Variants in ZNF407 observed in about 807,000 individuals in gnomAD.
ZNF407 encodes zinc finger protein 407.
A neutral mutation model predicts 131.2 loss-of-function variants in ZNF407; 17 were observed. That is an observed-to-expected ratio of 0.13 (90% confidence interval 0.09 to 0.19). The LOEUF is 0.19. ZNF407 is among the 10% of genes least tolerant of loss of function. The probability of loss-of-function intolerance (pLI) is 1.00; values close to 1 mark genes in which losing one functional copy is unlikely to be tolerated. For missense variants in ZNF407, 2,681 were observed against 2,830.6 expected, an observed-to-expected ratio of 0.95 and a Z score of 1.20; for synonymous variants, 1,156 against 1,062.0, an observed-to-expected ratio of 1.09 and a Z score of -1.72.
At chr18:74,733,114 CTT>C (rs202213928) in intron 3 of ZNF407, among the ~76,000 whole-genome samples, 3 of 151,556 alleles carry the variant, frequency 2.0e-5, no homozygotes, top group East Asian at 1.9e-4. Context: ...GTTTTTGTCT[CTT>C]TGGCTTTTTT....
intron 3 of ZNF407, among the ~76,000 whole-genome samples, chr18:74,710,699 C>CT (rs934550540): frequency 4.6e-5 from 7 of 151,914 alleles, no homozygotes; most frequent in African/African-American, 1.2e-4. Flanking sequence ...AATAAGAATG[C>CT]TTTTTTTTCT....
chr18:74,753,385 C>T (rs1968852827), intron 3 of ZNF407, among the ~76,000 whole-genome samples: 1 of 152,200 alleles, frequency 6.6e-6, no homozygotes, highest in Admixed American at 6.5e-5. Context: ...GCCAGAACTT[C>T]CAACACTGTT....
chr18:74,982,914 G>A (rs937036824), intron 8 of ZNF407, among the ~76,000 whole-genome samples: 1 of 152,106 alleles, frequency 6.6e-6, no homozygotes, highest in African/African-American at 2.4e-5. Context: ...CCTGTTCATT[G>A]TTATTCCTGA....
intron 3 of ZNF407, among the ~76,000 whole-genome samples, chr18:74,646,047 C>T (rs1984959402): frequency 6.6e-6 from 1 of 152,088 alleles, no homozygotes; most frequent in South Asian, 2.1e-4. Flanking sequence ...CTTAATTTAT[C>T]CAAATCAAAG....
intron 4 of ZNF407, among the ~76,000 whole-genome samples, chr18:74,826,362 T>C (rs1970409828): frequency 1.3e-5 from 2 of 152,338 alleles, no homozygotes; most frequent in East Asian, 3.9e-4. Flanking sequence ...TTCATTTATC[T>C]CAGTCATAAC....
At chr18:74,656,991 TTGAA>T (rs796598828) in intron 3 of ZNF407, among the ~76,000 whole-genome samples, 10 of 152,206 alleles carry the variant, frequency 6.6e-5, no homozygotes, top group African/African-American at 2.4e-4. Context: ...TATACTTCCT[TTGAA>T]TGAACATTTT....
chr18:74,803,504 C>G (rs1468798895), intron 4 of ZNF407, among the ~76,000 whole-genome samples: 1 of 152,098 alleles, frequency 6.6e-6, no homozygotes, highest in Non-Finnish European at 1.5e-5. Context: ...ATTCATTTTG[C>G]ATTGTTGAGA....
chr18:74,735,296 C>T (rs934012820), intron 3 of ZNF407, among the ~76,000 whole-genome samples: 1 of 152,092 alleles, frequency 6.6e-6, no homozygotes, highest in Non-Finnish European at 1.5e-5. Flanking sequence ...TTTTCCACGC[C>T]TAGTAGCTGA....
chr18:74,787,465 C>T (rs1285896508), intron 4 of ZNF407, among the ~76,000 whole-genome samples: 3 of 152,200 alleles, frequency 2.0e-5, no homozygotes, highest in African/African-American at 7.2e-5. Flanking sequence ...TAACAAAAGT[C>T]AGCATCTGTG....
intron 3 of ZNF407, among the ~76,000 whole-genome samples, chr18:74,699,265 T>C (rs1967435546): frequency 1.3e-5 from 2 of 152,186 alleles, no homozygotes; most frequent in African/African-American, 4.8e-5. Context: ...CAGGGATGCC[T>C]CCAGGAAACA....
At chr18:74,900,466 A>G (rs1313473419) in intron 7 of ZNF407, among the ~76,000 whole-genome samples, 1 of 152,210 alleles carries the variant, frequency 6.6e-6, no homozygotes, top group Non-Finnish European at 1.5e-5. Context: ...TTTATTTGCC[A>G]CATGTGGAGC....
rs1984262753 is a variant in ZNF407 at position 74,633,652 on chromosome 18, G to T, written c.2633G>T (p.Ser878Ile). The change falls in exon 2 of 9, where the codon AGT (serine) becomes ATT (isoleucine). Residue 878 changes from serine (S) to isoleucine (I), a missense_variant. Around this residue, in one of 6 missense-constraint regions of ZNF407, gnomAD observed 1,789 missense variants for 1,748.7 expected, o/e 1.02. Transcript: ENST00000299687. ...HIRRKHSHQYSYLCKVCKYYT... is the reference protein window; with the variant it reads ...HIRRKHSHQYIYLCKVCKYYT... ...AGACGAAAACACAGTCACCAGTATA[G>T]TTATTTATGCAAAGTGTGTAAGTAT... The T allele has an allele frequency of 6.2e-7, 1 of 1,614,004 alleles. No homozygotes were observed. The highest frequency in any genetic ancestry group is 8.5e-7 in the Non-Finnish European group (1 of 1,179,882).
intron 8 of ZNF407, among the ~76,000 whole-genome samples, chr18:74,954,029 A>C (rs377396806): frequency 1.3e-5 from 2 of 152,312 alleles, no homozygotes; most frequent in East Asian, 1.9e-4. Context: ...TACCCACATA[A>C]ATGTATTTTA....
At chr18:75,060,252 A>G (rs1049985458) in intron 8 of ZNF407, 1 of 152,232 alleles carries the variant, frequency 6.6e-6, no homozygotes, top group Admixed American at 6.5e-5. Flanking sequence ...ATAATTAGGG[A>G]ATTTGTTAAG....
At chr18:75,026,562 T>C (rs1394401731) in intron 8 of ZNF407, among the ~76,000 whole-genome samples, 4 of 152,238 alleles carry the variant, frequency 2.6e-5, no homozygotes, top group Non-Finnish European at 5.9e-5. Flanking sequence ...AATTTGGAAC[T>C]CTTTCAAACT....
chr18:74,934,008 A>C (rs1035931563), intron 8 of ZNF407, among the ~76,000 whole-genome samples: 2 of 152,148 alleles, frequency 1.3e-5, no homozygotes, highest in African/African-American at 4.8e-5. Flanking sequence ...AGCAGAATAT[A>C]CTGTAGGCCC....
chr18:74,599,084 T>C (rs907146378), intron 1 of ZNF407, among the ~76,000 whole-genome samples: 3 of 152,214 alleles, frequency 2.0e-5, no homozygotes, highest in Admixed American at 6.5e-5. Context: ...CCCTAACATA[T>C]ACTCATCAGA....
intron 7 of ZNF407, among the ~76,000 whole-genome samples, chr18:74,897,041 T>G (rs1971462533): frequency 6.6e-6 from 1 of 152,234 alleles, no homozygotes; most frequent in Non-Finnish European, 1.5e-5. Flanking sequence ...GCTTGCTTTA[T>G]TCATAATTTT....
intron 1 of ZNF407, among the ~76,000 whole-genome samples, chr18:74,598,664 C>T (rs968652527): frequency 7.9e-5 from 12 of 152,260 alleles, no homozygotes; most frequent in African/African-American, 2.7e-4. Flanking sequence ...GGGTCCTAGC[C>T]ATTCCCGACT....
Sources: gnomAD v4.1 joint callset for allele counts (sites outside exome capture counted in the v4.1 genomes callset) on GRCh38, gnomAD v4.1.1 for gene constraint, gnomAD v4.1.1 regional missense constraint, MANE v1.5 for transcripts, NCBI Gene and HGNC (gene_info 2026-07-23, HGNC 2026-07-21) for gene names.